CAMTA1: variants seen among roughly 807,000 people sequenced by gnomAD.
The protein encoded by CAMTA1 is calmodulin binding transcription activator 1, also known as calmodulin-binding transcription activator 1.
CAMTA1 carries 27 observed loss-of-function variants against 170.9 expected under a neutral mutation model. The observed-to-expected ratio is 0.16, with a 90% CI of 0.12 to 0.22. The LOEUF (loss-of-function observed/expected upper bound fraction) is 0.22. Among genes scored for constraint, CAMTA1 ranks in the 10% least tolerant of loss-of-function variants. The probability of loss-of-function intolerance (pLI) is 1.00; values close to 1 mark genes in which losing one functional copy is unlikely to be tolerated. For missense variants in CAMTA1, 1,619 were observed against 2,217.2 expected, an observed-to-expected ratio of 0.73 and a Z score of 5.42; for synonymous variants, 833 against 891.5, an observed-to-expected ratio of 0.93 and a Z score of 1.17.
At chr1:7,318,297 G>A (rs911052941) in intron 5 of CAMTA1, among the ~76,000 whole-genome samples, 4 of 152,172 alleles carry the variant, frequency 2.6e-5, no homozygotes, top group African/African-American at 7.2e-5. Flanking sequence ...AGCCCGTAAA[G>A]GCTTCCCTGG....
At chr1:7,397,230 G>T (rs1228485931) in intron 5 of CAMTA1, among the ~76,000 whole-genome samples, 3 of 152,174 alleles carry the variant, frequency 2.0e-5, no homozygotes, top group East Asian at 1.9e-4. Flanking sequence ...GGTTGTATGT[G>T]TTCAGAAATT....
chr1:7,415,532 T>C (rs1273074065), intron 5 of CAMTA1, among the ~76,000 whole-genome samples: 1 of 152,164 alleles, frequency 6.6e-6, no homozygotes, highest in Non-Finnish European at 1.5e-5. Flanking sequence ...TTTGTCTCTT[T>C]TGATCTTTGT....
At chr1:7,424,012 C>A (rs1446659332) in intron 5 of CAMTA1, among the ~76,000 whole-genome samples, 2 of 152,138 alleles carry the variant, frequency 1.3e-5, no homozygotes, top group Non-Finnish European at 2.9e-5. Context: ...CCGTCTGCCC[C>A]AGCACCATGC....
chr1:7,595,819 C>A (rs954690364), intron 6 of CAMTA1, among the ~76,000 whole-genome samples: 2 of 152,144 alleles, frequency 1.3e-5, no homozygotes, highest in African/African-American at 4.8e-5. Context: ...TTTTCATGGC[C>A]CTGGCGGAAC....
intron 5 of CAMTA1, among the ~76,000 whole-genome samples, chr1:7,358,539 T>C (rs1557584200): frequency 6.6e-6 from 1 of 151,934 alleles, no homozygotes; most frequent in South Asian, 2.1e-4. Context: ...CGTCCCTGCA[T>C]GCCCCGCGCC....
chr1:6,813,521 A>G (rs1166729722), intron 1 of CAMTA1, among the ~76,000 whole-genome samples: 2 of 150,130 alleles, frequency 1.3e-5, no homozygotes, highest in African/African-American at 4.9e-5. Flanking sequence ...AGCTTTTATC[A>G]TATTCCTTGA....
chr1:7,256,340 A>C (rs1667360252), intron 5 of CAMTA1, among the ~76,000 whole-genome samples: 1 of 151,990 alleles, frequency 6.6e-6, no homozygotes, highest in African/African-American at 2.4e-5. Context: ...CAGGCGGATC[A>C]TGAGGTCAGG....
chr1:7,116,674 G>A (rs1644347998), intron 4 of CAMTA1, among the ~76,000 whole-genome samples: 1 of 145,878 alleles, frequency 6.9e-6, no homozygotes, highest in South Asian at 2.2e-4. Context: ...TTTTTATGGA[G>A]TCTCTCTCTG....
chr1:7,508,311 A>G (rs1331939828), intron 6 of CAMTA1, among the ~76,000 whole-genome samples: 2 of 152,124 alleles, frequency 1.3e-5, no homozygotes, highest in Non-Finnish European at 2.9e-5. Context: ...TGCATCCCAC[A>G]CCCGTCGGAA....
At chr1:7,265,584 G>A (rs1220739581) in intron 5 of CAMTA1, among the ~76,000 whole-genome samples, 1 of 152,170 alleles carries the variant, frequency 6.6e-6, no homozygotes, top group Non-Finnish European at 1.5e-5. Flanking sequence ...AAAGTGCTGG[G>A]ATTACAGGTG....
chr1:7,130,491 T>A (rs1430073620), intron 4 of CAMTA1, among the ~76,000 whole-genome samples: 1 of 152,198 alleles, frequency 6.6e-6, no homozygotes, highest in Admixed American at 6.5e-5. Context: ...AGTGGTTGGG[T>A]TGTATGGGAA....
chr1:7,008,748 A>G (rs1699372017), intron 3 of CAMTA1: 1 of 152,222 alleles, frequency 6.6e-6, no homozygotes, highest in African/African-American at 2.4e-5. Flanking sequence ...TTCATTTGAG[A>G]TGATTATTTT....
At chr1:6,787,660 G>A (rs964875190) in intron 1 of CAMTA1, among the ~76,000 whole-genome samples, 1 of 152,142 alleles carries the variant, frequency 6.6e-6, no homozygotes, top group Non-Finnish European at 1.5e-5. Flanking sequence ...GAAGAATCAC[G>A]GATAAATGGC....
chr1:7,065,668 T>C lies in CAMTA1; in HGVS notation c.235-25636T>C, dbSNP rs1166321613. ...GACAGCTGCACCTTGTTGGAGTCCA[T>C]GTCAGCTGATTGGAAGAATCCAGAA... On this transcript the variant is annotated intron_variant, in intron 3 of 22. Transcript: ENST00000303635. The surrounding 1 kb of genome is among the most constrained non-coding windows in gnomAD (Gnocchi z 5.2). Among the ~76,000 whole-genome samples, 1 of 151,770 alleles carries C rather than the reference T, an allele frequency of 6.6e-6. No individual in the cohort carries two copies. Among genetic ancestry groups the C allele is most frequent in the Non-Finnish European group, 1.5e-5 (1 of 67,954 alleles).
At position 7,643,468 on chromosome 1, in the gene CAMTA1, C is replaced by T. The variant is rs1182809680; in HGVS notation, c.664+2915C>T. Reference sequence around the variant, plus strand: ...CTTCCCAAATTCTTCTCGACACACACAGACAGCCCTTCTCCTTCAGCCATA... The same window carrying T: ...CTTCCCAAATTCTTCTCGACACACATAGACAGCCCTTCTCCTTCAGCCATA... On this transcript the variant is annotated intron_variant, in intron 7 of 22. Coordinates refer to ENST00000303635, the MANE Select transcript of CAMTA1 (RefSeq NM_015215.4). 2.0e-5 allele frequency among the ~76,000 whole-genome samples: 3 copies of T among 152,218 alleles called. No individual in the cohort carries two copies. In the East Asian group the frequency reaches 5.8e-4, roughly 29 times the overall value.
intron 5 of CAMTA1, among the ~76,000 whole-genome samples, chr1:7,467,353 T>A (rs550106552): frequency 6.6e-6 from 1 of 152,242 alleles, no homozygotes; most frequent in South Asian, 2.1e-4. Context: ...TCCCCCCTGG[T>A]TGGGCTCGTA....
chr1:7,363,926 C>A (rs1300718576), intron 5 of CAMTA1, among the ~76,000 whole-genome samples: 1 of 152,176 alleles, frequency 6.6e-6, no homozygotes, highest in African/African-American at 2.4e-5. Context: ...GGAACAGATG[C>A]CTGATAGAGA....
intron 9 of CAMTA1, among the ~76,000 whole-genome samples, chr1:7,670,226 G>C (rs2096046430): frequency 6.6e-6 from 1 of 152,162 alleles, no homozygotes; most frequent in East Asian, 1.9e-4. Flanking sequence ...GGTTGGGGGA[G>C]GGGGCAGATG....
chr1:7,018,390 T>G (rs139385334), intron 3 of CAMTA1, among the ~76,000 whole-genome samples: 2 of 152,234 alleles, frequency 1.3e-5, no homozygotes, highest in Non-Finnish European at 2.9e-5. Flanking sequence ...TTGAATGTCT[T>G]TTGTCTCCAG....
Sources: gnomAD v4.1 joint callset for allele counts (sites outside exome capture counted in the v4.1 genomes callset) on GRCh38, gnomAD v4.1.1 for gene constraint, Gnocchi (gnomAD v3.1) non-coding constraint, MANE v1.5 for transcripts, NCBI Gene and HGNC (gene_info 2026-07-23, HGNC 2026-07-21) for gene names.